The following TMEM245 variants were observed in gnomAD, a reference collection of about 807,000 sequenced individuals.
The protein encoded by TMEM245 is protein CG-2.
TMEM245 carries 69 observed loss-of-function variants against 101.2 expected under a neutral mutation model. The observed-to-expected ratio is 0.68, with a 90% CI of 0.56 to 0.83. TMEM245 has a LOEUF of 0.83. Among genes scored for constraint, TMEM245 ranks in the 40% least tolerant of loss-of-function variants. The pLI is 0.00. For synonymous variants in TMEM245, 537 were observed against 449.8 expected, an observed-to-expected ratio of 1.19 and a Z score of -2.45; for missense variants, 1,075 against 1,092.8, an observed-to-expected ratio of 0.98 and a Z score of 0.23.
chr9:109,093,299 G>C (rs1830056901), intron 4 of TMEM245, among the ~76,000 whole-genome samples, 176 bp downstream of exon 4: 1 of 152,128 alleles, frequency 6.6e-6, no homozygotes, highest in African/African-American at 2.4e-5. Context: ...TATTTAAAAA[G>C]TGATATATGA....
At position 109,057,200 on chromosome 9, in the gene TMEM245, T is replaced by C. The variant is rs1383359047; in HGVS notation, c.1845A>G (p.Thr615=). ...IVSFVHENIE[T]FLSILESLWI... is the part of the protein sequence containing the mutation. ...AAATGCTATTTCTTACCGAAAGAAA[T>C]GTCTCAATGTTCTCGTGAACAAAGG... is the stretch of plus-strand genomic sequence containing the variant. Residue 615 remains threonine, a synonymous_variant, in exon 12 of 18, where the codon ACA becomes ACG. Coordinates refer to ENST00000374586, the MANE Select transcript of TMEM245 (RefSeq NM_032012.4). The C allele has an allele frequency of 6.2e-7, 1 of 1,612,518 alleles. No homozygotes were observed. Among genetic ancestry groups the C allele is most frequent in the Non-Finnish European group, 8.5e-7 (1 of 1,179,336 alleles).
chr9:109,103,689 T>C (rs1032663539), intron 3 of TMEM245, among the ~76,000 whole-genome samples: 1 of 151,936 alleles, frequency 6.6e-6, no homozygotes, highest in Non-Finnish European at 1.5e-5. Flanking sequence ...ATCAAAACAA[T>C]TGAACTCAGA....
chr9:109,076,374 C>A (rs1485989391), intron 8 of TMEM245, among the ~76,000 whole-genome samples: 5 of 62,320 alleles, frequency 8.0e-5, no homozygotes, highest in African/African-American at 2.9e-4. Flanking sequence ...ACACCGGGAC[C>A]CACTGTGGGG....
chr9:109,078,725 G>C (rs1829588715), intron 8 of TMEM245, among the ~76,000 whole-genome samples: 1 of 152,128 alleles, frequency 6.6e-6, no homozygotes, highest in Non-Finnish European at 1.5e-5. Flanking sequence ...GCATGGTTTT[G>C]TGTTTGTGTA....
chr9:109,053,467 C>T (rs762469090), intron 12 of TMEM245, among the ~76,000 whole-genome samples: 3 of 152,276 alleles, frequency 2.0e-5, no homozygotes, highest in East Asian at 3.9e-4. Flanking sequence ...AAGTAGAAAA[C>T]ATGAGCCAGG....
chr9:109,065,709 T>C (rs1309153219), intron 9 of TMEM245, among the ~76,000 whole-genome samples: 2 of 152,140 alleles, frequency 1.3e-5, no homozygotes, highest in East Asian at 3.9e-4. Flanking sequence ...ATCTAAATTG[T>C]TCCTCTTAAT....
chr9:109,065,486 A>C (rs369495177), intron 9 of TMEM245, among the ~76,000 whole-genome samples: 1 of 152,136 alleles, frequency 6.6e-6, no homozygotes, highest in East Asian at 1.9e-4. Flanking sequence ...CATTATCCTC[A>C]AGTTGGTTAT....
intron 14 of TMEM245, among the ~76,000 whole-genome samples, chr9:109,040,078 C>T (rs1036501507): frequency 1.3e-5 from 2 of 152,150 alleles, no homozygotes; most frequent in African/African-American, 4.8e-5. Context: ...TTCTTTCTTT[C>T]ACTGCTGAGA....
chr9:109,085,263 G>C (rs1202310262), intron 7 of TMEM245, among the ~76,000 whole-genome samples: 1 of 152,160 alleles, frequency 6.6e-6, no homozygotes, highest in Non-Finnish European at 1.5e-5. Context: ...GTGCCACAAG[G>C]CCTGGCTATT....
intron 17 of TMEM245, among the ~76,000 whole-genome samples, chr9:109,031,649 C>T (rs1353325239): frequency 6.6e-6 from 1 of 152,122 alleles, no homozygotes; most frequent in Non-Finnish European, 1.5e-5. Flanking sequence ...TCCAGAACAA[C>T]AAAAATATTC....
chr9:109,118,691 T>C (rs1284784288), intron 1 of TMEM245, among the ~76,000 whole-genome samples: 1 of 152,118 alleles, frequency 6.6e-6, no homozygotes, highest in Non-Finnish European at 1.5e-5. Flanking sequence ...ACAAAAGCAG[T>C]TACCTAAAAG....
intron 5 of TMEM245, 92 bp from the exon 6 acceptor site, chr9:109,087,434 A>C (rs552087691): frequency 3.2e-6 from 4 of 1,240,554 alleles, no homozygotes; most frequent in East Asian, 5.3e-5. Flanking sequence ...AACCTTTCTA[A>C]AACAACAAAG....
intron 1 of TMEM245, among the ~76,000 whole-genome samples, chr9:109,118,539 T>G (rs1461447824): frequency 6.6e-6 from 1 of 152,252 alleles, no homozygotes; most frequent in African/African-American, 2.4e-5. Flanking sequence ...TTGAAATCTT[T>G]CCAATTCTAA....
intron 14 of TMEM245, chr9:109,038,830 T>C (rs1828217332): frequency 6.6e-6 from 1 of 152,224 alleles, no homozygotes; most frequent in African/African-American, 2.4e-5. Flanking sequence ...CAATGTCAGG[T>C]GCTCTGTGTT....
intron 17 of TMEM245, among the ~76,000 whole-genome samples, chr9:109,028,680 CTT>C (rs1422405055): frequency 1.3e-5 from 2 of 151,984 alleles, no homozygotes; most frequent in Non-Finnish European, 2.9e-5. Context: ...CAGGCGAGCT[CTT>C]CTTTTAAAAA....
chr9:109,039,215 T>C (rs973682120), intron 14 of TMEM245: 2 of 152,144 alleles, frequency 1.3e-5, no homozygotes, highest in South Asian at 2.1e-4. Flanking sequence ...GGCTCCCCAA[T>C]TGTAAAACCT....
rs1363291970 is a variant in TMEM245, at chr9:109,057,214, C to T, written c.1831G>A (p.Glu611Lys). 1 of 1,613,844 alleles carries T rather than the reference C, an allele frequency of 6.2e-7. No individual in the cohort carries two copies. The highest frequency in any genetic ancestry group is 1.1e-5 in the South Asian group (1 of 91,010). The part of the protein sequence containing the change: ...DWQDIVSFVH[E>K]NIETFLSILE... Reference sequence around the variant, plus strand: ...ACCGAAAGAAATGTCTCAATGTTCTCGTGAACAAAGGAAACAATATCCTGC... The same window carrying T: ...ACCGAAAGAAATGTCTCAATGTTCTTGTGAACAAAGGAAACAATATCCTGC... Residue 611 changes from glutamate to lysine, a missense_variant, in exon 12 of 18, where the codon GAG (glutamate) becomes AAG (lysine). Glu to Lys is a moderately conservative substitution (Grantham distance 56, BLOSUM62 1). Transcript: ENST00000374586.
At chr9:109,036,060 T>C (rs915396748) in intron 16 of TMEM245, 146 bp downstream of exon 16, 2 of 513,860 alleles carry the variant, frequency 3.9e-6, no homozygotes, top group Non-Finnish European at 6.3e-6. Flanking sequence ...AAAATTTCAT[T>C]TGTGGGAACA....
intron 14 of TMEM245, among the ~76,000 whole-genome samples, chr9:109,045,534 G>C (rs188678315): frequency 7.2e-5 from 11 of 152,236 alleles, no homozygotes; most frequent in Admixed American, 6.5e-4. Context: ...TTGTGTCCTT[G>C]ACAATGCCTA....
Sources: allele counts gnomAD v4.1 joint callset (sites outside exome capture counted in the v4.1 genomes callset), GRCh38; gene constraint gnomAD v4.1.1; transcripts MANE v1.5; gene names NCBI Gene and HGNC (gene_info 2026-07-23, HGNC 2026-07-21).